GSTCD: variants seen among roughly 807,000 people sequenced by gnomAD.
The protein encoded by GSTCD is glutathione S-transferase C-terminal domain-containing protein.
GSTCD carries 44 observed loss-of-function variants against 68.3 expected under a neutral mutation model. The observed-to-expected ratio is 0.64, with a 90% confidence interval of 0.51 to 0.83. The LOEUF is 0.83. Among genes scored for constraint, GSTCD ranks in the 40% least tolerant of loss-of-function variants. The pLI, the probability that GSTCD is intolerant of heterozygous loss-of-function variation, is 0.00. For synonymous variants in GSTCD, 273 were observed against 255.2 expected (o/e 1.07, Z -0.67); for missense variants, 739 against 735.9 (o/e 1.00, Z -0.05).
intron 5 of GSTCD, among the ~76,000 whole-genome samples, chr4:105,730,090 G>A (rs983575615): frequency 9.2e-5 from 14 of 152,148 alleles, no homozygotes; most frequent in Non-Finnish European, 5.9e-5. Context: ...TTTTATGGCT[G>A]CATAGTATTC....
intron 5 of GSTCD, among the ~76,000 whole-genome samples, chr4:105,797,969 A>G (rs753867689): frequency 1.3e-5 from 2 of 151,984 alleles, no homozygotes; most frequent in Non-Finnish European, 2.9e-5. Context: ...GGGTTTCACC[A>G]TGTTGGCCAG....
chr4:105,774,494 TTTCC>T (rs761829547), intron 5 of GSTCD, among the ~76,000 whole-genome samples: 2 of 152,218 alleles, frequency 1.3e-5, no homozygotes, highest in Non-Finnish European at 2.9e-5. Context: ...GGTACTGGTT[TTTCC>T]TTTCCATATT....
At chr4:105,828,893 C>T (rs1364022368) in intron 8 of GSTCD, among the ~76,000 whole-genome samples, 1 of 152,054 alleles carries the variant, frequency 6.6e-6, no homozygotes, top group African/African-American at 2.4e-5. Flanking sequence ...ACTACCTCTC[C>T]CCAACTCCTA....
At chr4:105,778,093 A>G (rs1735139967) in intron 5 of GSTCD, among the ~76,000 whole-genome samples, 1 of 152,112 alleles carries the variant, frequency 6.6e-6, no homozygotes, top group Non-Finnish European at 1.5e-5. Context: ...CTGAGTTATG[A>G]TTTGACAGAA....
At chr4:105,774,890 T>C (rs1272798447) in intron 5 of GSTCD, among the ~76,000 whole-genome samples, 1 of 151,918 alleles carries the variant, frequency 6.6e-6, no homozygotes, top group Non-Finnish European at 1.5e-5. Flanking sequence ...GAATTTGAAA[T>C]TGGGCCTATC....
chr4:105,773,297 CA>C (rs1734927541), intron 5 of GSTCD, among the ~76,000 whole-genome samples: 2 of 151,922 alleles, frequency 1.3e-5, no homozygotes, highest in African/African-American at 4.8e-5. Context: ...TTAATCTTTT[CA>C]AAAATCCAGC....
At chr4:105,710,352 T>A (rs1351967760) in intron 1 of GSTCD, among the ~76,000 whole-genome samples, 1 of 147,160 alleles carries the variant, frequency 6.8e-6, no homozygotes, top group Non-Finnish European at 1.5e-5. Flanking sequence ...TCCCGAGTAG[T>A]TGGGATTACA....
chr4:105,797,529 A>G (rs1202247671), intron 5 of GSTCD, among the ~76,000 whole-genome samples: 1 of 152,152 alleles, frequency 6.6e-6, no homozygotes, highest in Non-Finnish European at 1.5e-5. Flanking sequence ...AAAAAATGCT[A>G]AGCATCATTG....
chr4:105,791,054 T>C (rs532896990), intron 5 of GSTCD, among the ~76,000 whole-genome samples: 9 of 151,742 alleles, frequency 5.9e-5, no homozygotes, highest in Non-Finnish European at 1.0e-4. Flanking sequence ...AGAACAGAAA[T>C]AGAAGACAGC....
intron 3 of GSTCD, among the ~76,000 whole-genome samples, chr4:105,725,492 T>C (rs1393349151): frequency 2.0e-5 from 3 of 152,128 alleles, no homozygotes; most frequent in African/African-American, 7.2e-5. Context: ...ATGCGCACCA[T>C]CATTTGGAGT....
At chr4:105,819,303 G>A (rs1723159605) in intron 5 of GSTCD, among the ~76,000 whole-genome samples, 1 of 151,662 alleles carries the variant, frequency 6.6e-6, no homozygotes, top group Non-Finnish European at 1.5e-5. Context: ...TATCTGGTAA[G>A]TTTCTGATCC....
At chr4:105,842,040 C>T in intron 10 of GSTCD, 25 bp from the exon 11 acceptor site, 1 of 1,584,246 alleles carries the variant, frequency 6.3e-7, no homozygotes, top group Non-Finnish European at 8.7e-7. Flanking sequence ...AAAATAAACC[C>T]ACATTCTATT....
At chr4:105,741,085 C>T (rs1733616513) in intron 5 of GSTCD, among the ~76,000 whole-genome samples, 3 of 151,996 alleles carry the variant, frequency 2.0e-5, no homozygotes, top group African/African-American at 7.2e-5. Flanking sequence ...TTATATTTAG[C>T]CATATATAAT....
chr4:105,735,083 T>A (rs1410792120), intron 5 of GSTCD, among the ~76,000 whole-genome samples: 1 of 152,218 alleles, frequency 6.6e-6, no homozygotes, highest in African/African-American at 2.4e-5. Context: ...GGTGTCATTC[T>A]GCCCCTACTG....
intron 5 of GSTCD, among the ~76,000 whole-genome samples, chr4:105,734,912 G>T (rs1179881244): frequency 6.6e-6 from 1 of 152,344 alleles, no homozygotes; most frequent in African/African-American, 2.4e-5. Flanking sequence ...AGGACCCTCA[G>T]CTGCAGATCT....
chr4:105,751,397 G>C (rs1357081376), intron 5 of GSTCD, among the ~76,000 whole-genome samples: 1 of 152,120 alleles, frequency 6.6e-6, no homozygotes, highest in Non-Finnish European at 1.5e-5. Flanking sequence ...TCAAATGATA[G>C]TTTAATACAA....
At chr4:105,825,062 TG>T (rs1723521386) in intron 7 of GSTCD, among the ~76,000 whole-genome samples, 1 of 152,136 alleles carries the variant, frequency 6.6e-6, no homozygotes, top group Admixed American at 6.6e-5. Flanking sequence ...TTATTTTTGA[TG>T]TTTTGTTTTT....
intron 5 of GSTCD, among the ~76,000 whole-genome samples, chr4:105,756,495 TACACACACACACAC>T (rs3055931): frequency 7.2e-6 from 1 of 139,432 alleles, no homozygotes; most frequent in African/African-American, 2.7e-5. Flanking sequence ...CCTATGCACA[TACACACACACACAC>T]ACACACACAC....
intron 5 of GSTCD, among the ~76,000 whole-genome samples, chr4:105,752,518 G>A (rs912203208): frequency 6.6e-6 from 1 of 152,040 alleles, no homozygotes; most frequent in Non-Finnish European, 1.5e-5. Flanking sequence ...ACATCTATGT[G>A]ATCATACAAA....
Sources: allele counts gnomAD v4.1 joint callset (sites outside exome capture counted in the v4.1 genomes callset), GRCh38; gene constraint gnomAD v4.1.1; transcripts MANE v1.5; gene names NCBI Gene and HGNC (gene_info 2026-07-23, HGNC 2026-07-21).